The following GALNTL6 variants were observed in gnomAD, a reference collection of about 807,000 sequenced individuals.
GALNTL6 encodes polypeptide N-acetylgalactosaminyltransferase like 6.
In GALNTL6, 46 loss-of-function variants were observed where a neutral mutation model predicts 73.7. The observed-to-expected ratio is 0.62, with a 90% CI of 0.49 to 0.80. The LOEUF (loss-of-function observed/expected upper bound fraction) is 0.80. Ranked by LOEUF, GALNTL6 falls within the 30% of genes least tolerant of loss-of-function variation. GALNTL6 has a pLI of 0.00. For synonymous variants in GALNTL6, 259 were observed against 263.7 expected (o/e 0.98, Z 0.17); for missense variants, 604 against 755.0 (o/e 0.80, Z 2.34).
At chr4:172,708,592 C>A (rs1369317991) in intron 5 of GALNTL6, among the ~76,000 whole-genome samples, 2 of 152,156 alleles carry the variant, frequency 1.3e-5, no homozygotes, top group Admixed American at 1.3e-4. Flanking sequence ...TAATACAAAC[C>A]ACAAAGGGGG....
At chr4:172,011,676 A>ATCTTATAACCCAT (rs1741012200) in intron 2 of GALNTL6, among the ~76,000 whole-genome samples, 1 of 152,090 alleles carries the variant, frequency 6.6e-6, no homozygotes, top group Admixed American at 6.6e-5. Flanking sequence ...CTAGTTACAG[A>ATCTTATAACCCAT]ATCTTATAAC....
At chr4:172,151,962 CTAT>C (rs1734102348) in intron 2 of GALNTL6, among the ~76,000 whole-genome samples, 6 of 150,498 alleles carry the variant, frequency 4.0e-5, no homozygotes, top group African/African-American at 1.2e-4. Context: ...ATCTATCTAT[CTAT>C]CTATCTATCT....
In GALNTL6 at chr4:172,737,976, C is replaced by A. The variant is rs74920129; in HGVS notation, c.554-71385C>A. Among the ~76,000 whole-genome samples, 83 of 152,272 alleles carry A rather than the reference C, an allele frequency of 5.5e-4. 1 individual carries two copies. In the East Asian group the frequency reaches 0.014, roughly 26 times the overall value. On this transcript the variant is annotated intron_variant, in intron 5 of 12. Coordinates refer to ENST00000506823, the MANE Select transcript of GALNTL6 (RefSeq NM_001034845.3). ...CTGGGGAACATACCTCCTATAGCTGCTCTTAGTTAGACTCTCCTTTGGCTG... is the reference window on the plus strand; with the variant it reads ...CTGGGGAACATACCTCCTATAGCTGATCTTAGTTAGACTCTCCTTTGGCTG...
At chr4:172,871,611 A>AGTGTGTGTGTGTGTGTGTGTGT (rs5864173) in intron 7 of GALNTL6, among the ~76,000 whole-genome samples, 1 of 137,512 alleles carries the variant, frequency 7.3e-6, no homozygotes, top group African/African-American at 2.7e-5. Context: ...TGTGTGTGAG[A>AGTGTGTGTGTGTGTGTGTGTGT]GTGTGTGTGT....
chr4:172,656,182 C>T (rs967476217), intron 5 of GALNTL6, among the ~76,000 whole-genome samples: 5 of 152,078 alleles, frequency 3.3e-5, no homozygotes, highest in East Asian at 3.9e-4. Context: ...TCTCCCTGAG[C>T]GAGGGTTGGG....
At chr4:172,597,991 T>C (rs1737926212) in intron 5 of GALNTL6, among the ~76,000 whole-genome samples, 1 of 152,014 alleles carries the variant, frequency 6.6e-6, no homozygotes, top group African/African-American at 2.4e-5. Flanking sequence ...ATTCTGCTGC[T>C]TCAGATCTTC....
chr4:172,849,443 A>C (rs974778429), intron 7 of GALNTL6, among the ~76,000 whole-genome samples: 8 of 152,330 alleles, frequency 5.3e-5, no homozygotes, highest in African/African-American at 1.9e-4. Flanking sequence ...CTTATTCACC[A>C]TTGTGGCCCA....
intron 2 of GALNTL6, among the ~76,000 whole-genome samples, chr4:172,105,244 A>C (rs1413061107): frequency 6.6e-6 from 1 of 152,132 alleles, no homozygotes; most frequent in East Asian, 1.9e-4. Context: ...CATGAGACTC[A>C]ATAGAGTAAA....
At chr4:172,497,864 G>A (rs1201717047) in intron 5 of GALNTL6, among the ~76,000 whole-genome samples, 1 of 151,950 alleles carries the variant, frequency 6.6e-6, no homozygotes, top group Non-Finnish European at 1.5e-5. Flanking sequence ...AGGTTCTAGT[G>A]GTAAATTTTG....
At chr4:172,871,854 G>T (rs1005770397) in intron 7 of GALNTL6, among the ~76,000 whole-genome samples, 1 of 151,850 alleles carries the variant, frequency 6.6e-6, no homozygotes. Flanking sequence ...CGCGATCTTG[G>T]CTCACCACAA....
At chr4:172,814,509 A>G (rs1400005681) in intron 7 of GALNTL6, among the ~76,000 whole-genome samples, 2 of 152,208 alleles carry the variant, frequency 1.3e-5, no homozygotes, top group African/African-American at 4.8e-5. Flanking sequence ...TCTATTCCTT[A>G]TACTGCACCC....
rs5864116 is a variant in GALNTL6 at position 172,069,576 on chromosome 4, T to TGTTA, written c.139-160080_139-160079insGTTA. Among the ~76,000 whole-genome samples the TGTTA allele has an allele frequency of 0.012, 28 of 2,262 alleles. 9 individuals are homozygous for TGTTA. The South Asian group carries it at 0.17, about 14-fold the overall frequency. 1.5% of individuals were successfully genotyped at this position (2,262 alleles called of 152,430 possible). A position where few individuals can be genotyped will look rare whatever the true frequency, so the allele number is the denominator to read the frequency against. ...ATATGTTATATATAACACATATATGTTATATATTATATATATAACACATAT... is the reference window on the plus strand; with the variant it reads ...ATATGTTATATATAACACATATATGTGTTATATATATTATATATATAACACATAT... On this transcript the variant is annotated intron_variant, in intron 2 of 12. Transcript: ENST00000506823.
At chr4:172,384,757 T>G (rs1408798947) in intron 5 of GALNTL6, among the ~76,000 whole-genome samples, 2 of 152,094 alleles carry the variant, frequency 1.3e-5, no homozygotes, top group Non-Finnish European at 2.9e-5. Flanking sequence ...AAAGAATGCT[T>G]TAGCTGCATC....
chr4:172,487,131 A>G (rs546048740), intron 5 of GALNTL6, among the ~76,000 whole-genome samples: 1 of 151,968 alleles, frequency 6.6e-6, no homozygotes, highest in South Asian at 2.1e-4. Flanking sequence ...ATTCAAGTAT[A>G]ATAAAAAAAA....
intron 5 of GALNTL6, among the ~76,000 whole-genome samples, chr4:172,579,159 ATGTT>A (rs1303390455): frequency 5.9e-5 from 9 of 152,292 alleles, no homozygotes; most frequent in African/African-American, 1.9e-4. Flanking sequence ...ACAGAATTCT[ATGTT>A]TGTCCACTGT....
intron 5 of GALNTL6, among the ~76,000 whole-genome samples, chr4:172,765,130 G>T: frequency 6.6e-6 from 1 of 152,084 alleles, no homozygotes; most frequent in Non-Finnish European, 1.5e-5. Context: ...AGTGGTCAAC[G>T]GCACTTCAGG....
intron 2 of GALNTL6, among the ~76,000 whole-genome samples, chr4:171,868,406 ACT>A (rs1232764858): frequency 6.6e-6 from 1 of 151,830 alleles, no homozygotes; most frequent in South Asian, 2.1e-4. Flanking sequence ...TTCATTCCAA[ACT>A]CTTGAAATCC....
intron 5 of GALNTL6, among the ~76,000 whole-genome samples, chr4:172,677,558 C>T (rs1732372995): frequency 6.6e-6 from 1 of 152,104 alleles, no homozygotes; most frequent in African/African-American, 2.4e-5. Context: ...GGAATGGTCA[C>T]AGTCATGCAC....
At chr4:172,880,507 A>G (rs1379593495) in intron 7 of GALNTL6, among the ~76,000 whole-genome samples, 4 of 152,114 alleles carry the variant, frequency 2.6e-5, no homozygotes, top group African/African-American at 9.7e-5. Context: ...GTTGGAAGGA[A>G]ATGAGAAGAG....
Sources: allele counts gnomAD v4.1 joint callset (sites outside exome capture counted in the v4.1 genomes callset), GRCh38; gene constraint gnomAD v4.1.1; transcripts MANE v1.5; gene names NCBI Gene and HGNC (gene_info 2026-07-23, HGNC 2026-07-21).